The following FGGY variants were observed in gnomAD, a reference collection of about 807,000 sequenced individuals.
FGGY encodes the protein FGGY carbohydrate kinase domain containing.
FGGY carries 72 observed loss-of-function variants against 71.3 expected under a neutral mutation model. The observed-to-expected ratio is 1.01, with a 90% CI of 0.84 to 1.23. The LOEUF (loss-of-function observed/expected upper bound fraction) is 1.23, where lower values mean the gene tolerates loss of function less well. FGGY is among the 50% of genes most tolerant of loss of function. FGGY has a pLI of 0.00. For synonymous variants in FGGY, 251 were observed against 250.3 expected, an observed-to-expected ratio of 1.00 and a Z score of -0.02; for missense variants, 668 against 682.3, an observed-to-expected ratio of 0.98 and a Z score of 0.23.
rs964502844 is a variant in FGGY, at chr1:59,583,046, G to C, written c.904-24757G>C. Among the ~76,000 whole-genome samples, 21 of 117,822 alleles carry C rather than the reference G, an allele frequency of 1.8e-4. 2 individuals are homozygous for C. The highest frequency in any genetic ancestry group is 6.7e-4 in the African/African-American group (20 of 29,712). The allele number at this position is 117,822 out of a possible 152,430, so 77.3% of individuals were successfully genotyped here. On this transcript the variant is annotated intron_variant, in intron 8 of 15. Transcript: ENST00000303721. ...TCCTTGAGCTTCACCAGGAACATCA[G>C]TAGGAAGATCTGGCACAGGCTATGT...
intron 8 of FGGY, among the ~76,000 whole-genome samples, chr1:59,587,289 T>G (rs144725052): frequency 0.054 from 8,213 of 152,038 alleles, 453 homozygotes; most frequent in African/African-American, 0.14. Flanking sequence ...CAAAGCAGCC[T>G]GGAAGCTCGA....
intron 7 of FGGY, among the ~76,000 whole-genome samples, chr1:59,542,267 A>AT (rs928580261): frequency 6.6e-6 from 1 of 151,454 alleles, no homozygotes; most frequent in Non-Finnish European, 1.5e-5. Context: ...CAGAGATTAC[A>AT]TTTTTTTTCA....
At chr1:59,365,864 A>G (rs1180871882) in intron 4 of FGGY, among the ~76,000 whole-genome samples, 1 of 152,230 alleles carries the variant, frequency 6.6e-6, no homozygotes, top group Non-Finnish European at 1.5e-5. Flanking sequence ...TTCTCACAGC[A>G]TCCTTGGGGG....
At chr1:59,560,027 A>G (rs1211362248) in intron 8 of FGGY, among the ~76,000 whole-genome samples, 1 of 152,218 alleles carries the variant, frequency 6.6e-6, no homozygotes, top group Non-Finnish European at 1.5e-5. Context: ...AAAATATGGT[A>G]TGGAAAACGG....
intron 5 of FGGY, among the ~76,000 whole-genome samples, chr1:59,406,663 T>C (rs2062806669): frequency 6.6e-6 from 1 of 152,206 alleles, no homozygotes; most frequent in African/African-American, 2.4e-5. Flanking sequence ...CAGAGGAACC[T>C]AGCCCTGTAT....
chr1:59,463,322 G>T (rs2092386934), intron 6 of FGGY, among the ~76,000 whole-genome samples: 1 of 152,136 alleles, frequency 6.6e-6, no homozygotes, highest in African/African-American at 2.4e-5. Context: ...GAGAGATTTT[G>T]TCACCACCAG....
intron 14 of FGGY, among the ~76,000 whole-genome samples, chr1:59,684,570 A>C (rs2097530254): frequency 6.6e-6 from 1 of 152,204 alleles, no homozygotes; most frequent in South Asian, 2.1e-4. Flanking sequence ...ATTTCAGCTC[A>C]ACATAGTAAA....
intron 8 of FGGY, among the ~76,000 whole-genome samples, chr1:59,590,712 G>T (rs186610906): frequency 6.8e-4 from 104 of 152,320 alleles, no homozygotes; most frequent in African/African-American, 2.4e-3. Context: ...AATAGATGCA[G>T]AAAAGGCCTT....
In FGGY at chr1:59,337,220, A is replaced by G. The variant is rs188104293; in HGVS notation, c.202-2738A>G. Among the ~76,000 whole-genome samples, 3 of 152,172 alleles carry G rather than the reference A, an allele frequency of 2.0e-5. No individual in the cohort carries two copies. In the East Asian group the frequency reaches 5.8e-4, roughly 29 times the overall value. ...GGAAGCCGACAATGCAGTCCTGAAT[A>G]AGTCTGAGGGTGAAGGCCTGAGAGC... On this transcript the variant is annotated intron_variant, in intron 2 of 15. Coordinates refer to ENST00000303721, the MANE Select transcript of FGGY (RefSeq NM_018291.5).
Position 59,674,060 on chromosome 1 carries a change from A to G in FGGY, c.1439A>G (p.Gln480Arg), listed in dbSNP as rs2097409346. 3 of 1,613,766 alleles carry G rather than the reference A, an allele frequency of 1.9e-6. No homozygotes were observed. The highest frequency in any genetic ancestry group is 1.1e-5 in the South Asian group (1 of 91,028). The change falls in exon 14 of 16, where the codon CAA (glutamine) becomes CGA (arginine). Residue 480 changes from glutamine to arginine, a missense_variant. Physicochemically the swap from Gln to Arg is conservative, Grantham distance 43 (BLOSUM62 1). Coordinates refer to ENST00000303721, the MANE Select transcript of FGGY (RefSeq NM_018291.5). ...DITGMPVVLS[Q>R]EVESVLVGAA... ...GCAGGCATGCCTGTGGTCCTGTCGCAAGAGGTGGAGTCCGTTCTTGTGGGT... is the reference window on the plus strand; with the variant it reads ...GCAGGCATGCCTGTGGTCCTGTCGCGAGAGGTGGAGTCCGTTCTTGTGGGT...
At chr1:59,318,991 G>A (rs1406406803) in intron 1 of FGGY, among the ~76,000 whole-genome samples, 1 of 152,220 alleles carries the variant, frequency 6.6e-6, no homozygotes, top group Non-Finnish European at 1.5e-5. Flanking sequence ...TAATAAAATT[G>A]AGGAAACTCA....
chr1:59,723,273 G>A (rs1231823151), intron 14 of FGGY, among the ~76,000 whole-genome samples: 2 of 152,162 alleles, frequency 1.3e-5, no homozygotes, highest in African/African-American at 2.4e-5. Context: ...ATTTCTGTAT[G>A]TAATCATCTT....
At position 59,318,665 on chromosome 1, in the gene FGGY, G is replaced by A. The variant is rs536950968; in HGVS notation, c.-14-2871G>A. On this transcript the variant is annotated intron_variant, in intron 1 of 15. Coordinates refer to ENST00000303721, the MANE Select transcript of FGGY (RefSeq NM_018291.5). ...CCCATGGGGAATCTGTCTTGTCATCGGGGCTGGCTGGAGTAGAGACAAGTC... is the reference window on the plus strand; with the variant it reads ...CCCATGGGGAATCTGTCTTGTCATCAGGGCTGGCTGGAGTAGAGACAAGTC... The A allele has an allele frequency of 2.4e-4, 36 of 152,390 alleles. 1 individual carries two copies. Among genetic ancestry groups the A allele is most frequent in the Admixed American group, 1.7e-3 (26 of 15,310 alleles). 9.4% of individuals were successfully genotyped at this position (152,390 alleles called of 1,614,324 possible).
chr1:59,479,362 G>A (rs1338276008), intron 6 of FGGY, among the ~76,000 whole-genome samples: 1 of 152,124 alleles, frequency 6.6e-6, no homozygotes, highest in Non-Finnish European at 1.5e-5. Flanking sequence ...ATTGATTGTT[G>A]GAAGATGGAG....
chr1:59,693,675 G>C (rs553347724), intron 14 of FGGY, among the ~76,000 whole-genome samples: 1 of 152,130 alleles, frequency 6.6e-6, no homozygotes, highest in Admixed American at 6.5e-5. Flanking sequence ...GAAGGAAGAG[G>C]AGGAGGAAGA....
At position 59,498,412 on chromosome 1, in the gene FGGY, C is replaced by T. The variant is rs192297067; in HGVS notation, c.671-13899C>T. Among the ~76,000 whole-genome samples the T allele has an allele frequency of 5.3e-5, 8 of 152,264 alleles. No individual in the cohort carries two copies. The East Asian group carries it at 1.5e-3, about 29-fold the overall frequency. On this transcript the variant is annotated intron_variant, in intron 6 of 15. Coordinates refer to ENST00000303721, the MANE Select transcript of FGGY (RefSeq NM_018291.5). Reference sequence around the variant, plus strand: ...TATTTCTGCTTATGTCTCCGGATTACCTGGGAGCTTTTAAAAATAAGAATC... The same window carrying T: ...TATTTCTGCTTATGTCTCCGGATTATCTGGGAGCTTTTAAAAATAAGAATC...
At chr1:59,580,830 A>C (rs1010661612) in intron 8 of FGGY, among the ~76,000 whole-genome samples, 14 of 152,270 alleles carry the variant, frequency 9.2e-5, no homozygotes, top group African/African-American at 3.1e-4. Context: ...CATTTTCTTC[A>C]AACATCTTTC....
intron 8 of FGGY, among the ~76,000 whole-genome samples, chr1:59,590,773 T>C (rs1476816390): frequency 6.6e-6 from 1 of 152,212 alleles, no homozygotes; most frequent in East Asian, 1.9e-4. Flanking sequence ...AAATTAGGTA[T>C]TGATGGGACG....
intron 14 of FGGY, among the ~76,000 whole-genome samples, chr1:59,738,004 A>G (rs1210459078): frequency 6.6e-6 from 1 of 152,180 alleles, no homozygotes; most frequent in East Asian, 1.9e-4. Flanking sequence ...CTGAATTCAT[A>G]CCATTTACAA....
Sources: allele counts gnomAD v4.1 joint callset (sites outside exome capture counted in the v4.1 genomes callset), GRCh38; gene constraint gnomAD v4.1.1; transcripts MANE v1.5; gene names NCBI Gene and HGNC (gene_info 2026-07-23, HGNC 2026-07-21).